Variants in UBIAD1 observed in about 807,000 individuals in gnomAD.
UBIAD1 encodes ubiA prenyltransferase domain-containing protein 1.
Under a neutral mutation model 20.1 loss-of-function variants are expected in UBIAD1, and 12 were observed. The observed-to-expected ratio is 0.60, with a 90% confidence interval of 0.38 to 0.97. UBIAD1 has a LOEUF of 0.97. Among genes scored for constraint, UBIAD1 ranks in the 50% least tolerant of loss-of-function variants. UBIAD1 has a pLI of 0.00. For synonymous variants in UBIAD1, 207 were observed against 189.2 expected (o/e 1.09, Z -0.77); for missense variants, 333 against 419.5 (o/e 0.79, Z 1.80).
At position 11,285,131 on chromosome 1, in the gene UBIAD1, G is replaced by A. The variant is rs951061996; in HGVS notation, c.530-513G>A. On this transcript the variant is annotated intron_variant, in intron 1 of 1. Coordinates refer to ENST00000376810, the MANE Select transcript of UBIAD1 (RefSeq NM_013319.3). This position sits in a 1 kb window ranked among gnomAD's most constrained non-coding sequence, Gnocchi z 4.4. ...GCAGGGGTGCAGGTTTAAGGACCCC[G>A]AAATTTCACTGAAATTCACTGGCCG... Among the ~76,000 whole-genome samples the A allele has an allele frequency of 7.9e-5, 12 of 152,248 alleles. No homozygotes were observed. The highest frequency in any genetic ancestry group is 2.0e-4 in the Admixed American group (3 of 15,300).
intron 1 of UBIAD1, among the ~76,000 whole-genome samples, chr1:11,275,920 G>C (rs887347036): frequency 1.3e-5 from 2 of 152,138 alleles, no homozygotes; most frequent in Non-Finnish European, 2.9e-5. Flanking sequence ...TGTGAATGAA[G>C]GAGAGAGTAA....
intron 1 of UBIAD1, chr1:11,294,830 T>C: frequency 4.2e-6 from 3 of 717,502 alleles, no homozygotes; most frequent in Middle Eastern, 2.3e-4. Context: ...TTTATGCTCC[T>C]GTCCCCTCAT....
downstream of UBIAD1, among the ~76,000 whole-genome samples, chr1:11,289,075 G>C (rs1350262106): frequency 1.4e-4 from 21 of 152,232 alleles, 1 homozygote; most frequent in Admixed American, 1.4e-3. Flanking sequence ...TTGAGTACAT[G>C]TGGGTTTCAG....
chr1:11,284,728 T>G (rs1448953692), intron 1 of UBIAD1, among the ~76,000 whole-genome samples: 5 of 152,092 alleles, frequency 3.3e-5, no homozygotes, highest in African/African-American at 1.2e-4. Flanking sequence ...CCTCCCAGAG[T>G]GCTGGGATTA....
chr1:11,274,015 C>A lies in UBIAD1; in HGVS notation c.484C>A (p.Leu162Ile). 3 of 1,614,132 alleles carry A rather than the reference C, an allele frequency of 1.9e-6. No individual in the cohort carries two copies. The highest frequency in any genetic ancestry group is 1.3e-5 in the African/African-American group (1 of 75,032). Residue 162 changes from leucine (L) to isoleucine (I), a missense_variant, in exon 1 of 2, where the codon CTT (leucine) becomes ATT (isoleucine). Coordinates refer to ENST00000376810, the MANE Select transcript of UBIAD1 (RefSeq NM_013319.3). ...LSPLKLEHLA[L>I]IYFGGLSGSF... ...CCCTCTGAAACTGGAGCACTTGGCT[C>A]TTATCTACTTTGGAGGCCTGTCTGG...
downstream of UBIAD1, among the ~76,000 whole-genome samples, chr1:11,297,769 CA>C (rs139710361): frequency 0.019 from 2,942 of 152,250 alleles, 85 homozygotes; most frequent in African/African-American, 0.066. Flanking sequence ...GATGGAGAGA[CA>C]GGTGGTCTTA....
intron 1 of UBIAD1, among the ~76,000 whole-genome samples, chr1:11,275,360 A>G (rs549542803): frequency 1.3e-5 from 2 of 152,304 alleles, no homozygotes; most frequent in African/African-American, 4.8e-5. Flanking sequence ...ATGAAAGATG[A>G]TAAGTGCTAT....
At position 11,286,151 on chromosome 1, in the gene UBIAD1, C is replaced by A. The variant is rs764337904; in HGVS notation, c.*20C>A. ...ATTTAAGGGGACAAGTAGCTCCCCC[C>A]ACGACATGTCTCCCTTTCTTAGAAT... On this transcript the variant is annotated 3_prime_UTR_variant, in exon 2 of 2. Transcript: ENST00000376810. The A allele has an allele frequency of 2.8e-5, 45 of 1,613,976 alleles. No homozygotes were observed. In the African/African-American group the frequency reaches 4.4e-4, roughly 16 times the overall value.
chr1:11,288,590 G>A (rs571976258), downstream of UBIAD1, among the ~76,000 whole-genome samples: 1 of 152,258 alleles, frequency 6.6e-6, no homozygotes, highest in South Asian at 2.1e-4. Flanking sequence ...GGTAGGGTTT[G>A]ACCAGATTCG....
chr1:11,274,931 A>T (rs1299016699), intron 1 of UBIAD1, among the ~76,000 whole-genome samples: 2 of 146,838 alleles, frequency 1.4e-5, no homozygotes, highest in Admixed American at 6.8e-5. Flanking sequence ...TTTCTGTCTC[A>T]TTTTTTTTTT....
At position 11,285,922 on chromosome 1, in the gene UBIAD1, C is replaced by T; in HGVS notation, c.808C>T (p.Leu270=). The T allele has an allele frequency of 6.2e-7, 1 of 1,614,236 alleles. No homozygotes were observed. Among genetic ancestry groups the T allele is most frequent in the Non-Finnish European group, 8.5e-7 (1 of 1,180,046 alleles). The change falls in exon 2 of 2, where the codon CTG becomes TTG. Residue 270 remains leucine (L), a synonymous_variant. Transcript: ENST00000376810. The surrounding 1 kb of genome is among the most constrained non-coding windows in gnomAD (Gnocchi z 4.4). Reference sequence around the variant, plus strand: ...CAACACACTGCTCTTCCTGCCCTACCTGGTCTTCAGCATCCTGGCCACACA... The same window carrying T: ...CAACACACTGCTCTTCCTGCCCTACTTGGTCTTCAGCATCCTGGCCACACA... ...LYNTLLFLPY[L]VFSILATHCT...
In UBIAD1 at chr1:11,273,454, G is replaced by T. The variant is rs533754690; in HGVS notation, c.-78G>T. The T allele has an allele frequency of 3.2e-6, 5 of 1,579,920 alleles. No individual in the cohort carries two copies. The highest frequency in any genetic ancestry group is 4.3e-6 in the Non-Finnish European group (5 of 1,159,320). On this transcript the variant is annotated 5_prime_UTR_variant, in exon 1 of 2. Coordinates refer to ENST00000376810, the MANE Select transcript of UBIAD1 (RefSeq NM_013319.3). The surrounding 1 kb of genome is among the most constrained non-coding windows in gnomAD (Gnocchi z 4.9). ...AAGGAAGGTCGGGCCCTGCTGCCCC[G>T]CCCCGTCCTTCCTCCTTCCCGGGCG...
downstream of UBIAD1, among the ~76,000 whole-genome samples, chr1:11,296,925 C>T (rs561604786): frequency 1.3e-5 from 2 of 152,278 alleles, no homozygotes; most frequent in African/African-American, 4.8e-5. Flanking sequence ...ATGTTCTTCC[C>T]AGTACTCAGC....
At chr1:11,297,959 GTTTTTTTGTTT>G (rs1366601753), downstream of UBIAD1, among the ~76,000 whole-genome samples, 1 of 140,876 alleles carries the variant, frequency 7.1e-6, no homozygotes, top group Admixed American at 6.7e-5. Flanking sequence ...ATTGTTTTTT[GTTTTTTTGTTT>G]TTTTTTTGAG....
intron 1 of UBIAD1, chr1:11,278,924 G>A (rs540357002): frequency 1.7e-5 from 4 of 240,364 alleles, no homozygotes; most frequent in African/African-American, 9.0e-5. Context: ...GAGCGCAGTG[G>A]CGTGATCTCG....
rs139487065 is a variant in UBIAD1 at position 11,276,661 on chromosome 1, C to T, written c.529+2601C>T. 8.4e-3 allele frequency among the ~76,000 whole-genome samples: 1,141 copies of T among 135,836 alleles called. 21 individuals are homozygous for T. The highest frequency in any genetic ancestry group is 0.031 in the African/African-American group (1,046 of 34,262). The allele number at this position is 135,836 out of a possible 152,430, so 89.1% of individuals were successfully genotyped here. On this transcript the variant is annotated intron_variant, in intron 1 of 1. Coordinates refer to ENST00000376810, the MANE Select transcript of UBIAD1 (RefSeq NM_013319.3). ...CCTGGGCAACAGAGAGAGGCTCCAT[C>T]TCAAAAAAAAAAAAAAAAGACCAAC...
chr1:11,295,026 G>T, exon 2 of UBIAD1: 2 of 704,050 alleles, frequency 2.8e-6, no homozygotes, highest in South Asian at 1.5e-5. Flanking sequence ...TCCTGCCTCG[G>T]GGTGGGCAGC....
chr1:11,294,841 C>T (rs1384913232), intron 1 of UBIAD1: 1 of 717,520 alleles, frequency 1.4e-6, no homozygotes. Context: ...GTCCCCTCAT[C>T]TGTCTGTCCT....
At position 11,286,566 on chromosome 1, in the gene UBIAD1, G is replaced by A. The variant is rs1638265039; in HGVS notation, c.*435G>A. 3.6e-6 allele frequency: 1 copy of A among 280,032 alleles called. No individual in the cohort carries two copies. The highest frequency in any genetic ancestry group is 6.9e-6 in the Non-Finnish European group (1 of 145,484). The allele number at this position is 280,032 out of a possible 1,614,324, so 17.3% of individuals were successfully genotyped here. A position where few individuals can be genotyped will look rare whatever the true frequency, so the allele number is the denominator to read the frequency against. On this transcript the variant is annotated 3_prime_UTR_variant, in exon 2 of 2. Transcript: ENST00000376810. ...CTGCTTTCTTCGTCTCGTAGGATGTGCTATGATTGGTGCCAGGCCTCACTA... is the reference window on the plus strand; with the variant it reads ...CTGCTTTCTTCGTCTCGTAGGATGTACTATGATTGGTGCCAGGCCTCACTA...
Sources: gnomAD v4.1 joint callset for allele counts (sites outside exome capture counted in the v4.1 genomes callset) on GRCh38, gnomAD v4.1.1 for gene constraint, Gnocchi (gnomAD v3.1) non-coding constraint, MANE v1.5 for transcripts, NCBI Gene and HGNC (gene_info 2026-07-23, HGNC 2026-07-21) for gene names.